EPHB2: variants seen among roughly 807,000 people sequenced by gnomAD.
The protein encoded by EPHB2 is EPH receptor B2.
A neutral mutation model predicts 96.4 loss-of-function variants in EPHB2; 18 were observed. The ratio of observed to expected loss-of-function variants is 0.19; its 90% CI spans 0.13 to 0.28. The LOEUF (loss-of-function observed/expected upper bound fraction) is 0.28. Ranked by LOEUF, EPHB2 falls within the 10% of genes least tolerant of loss-of-function variation. The pLI is 1.00. For synonymous variants in EPHB2, 506 were observed against 534.1 expected, an observed-to-expected ratio of 0.95 and a Z score of 0.72; for missense variants, 989 against 1,355.4, an observed-to-expected ratio of 0.73 and a Z score of 4.25.
At position 22,906,424 on chromosome 1, in the gene EPHB2, C is replaced by T. The variant is rs1472088528; in HGVS notation, c.1889-286C>T. The stretch of plus-strand genomic sequence containing the variant: ...GCTTTTCCTTCCTCCCCCCATGTAT[C>T]CCAGTGCCTTTTCCCATCTCCCAGG... On this transcript the variant is annotated intron_variant, in intron 10 of 15. Coordinates refer to ENST00000374630, the MANE Select transcript of EPHB2 (RefSeq NM_017449.5). The surrounding 1 kb of genome is among the most constrained non-coding windows in gnomAD (Gnocchi z 4.8). Among the ~76,000 whole-genome samples, 1 of 152,138 alleles carries T rather than the reference C, an allele frequency of 6.6e-6. No homozygotes were observed. The highest frequency in any genetic ancestry group is 2.4e-5 in the African/African-American group (1 of 41,420).
intron 1 of EPHB2, among the ~76,000 whole-genome samples, chr1:22,773,531 G>A (rs1644406775): frequency 6.6e-6 from 1 of 152,220 alleles, no homozygotes; most frequent in African/African-American, 2.4e-5. Context: ...GAAGACCCGT[G>A]GGTGTAGCTA....
chr1:22,788,409 A>G lies in EPHB2; in HGVS notation c.811+3333A>G, dbSNP rs563881949. 1.2e-4 allele frequency among the ~76,000 whole-genome samples: 19 copies of G among 152,342 alleles called. No individual in the cohort carries two copies. In the South Asian group the frequency reaches 3.9e-3, roughly 32 times the overall value. ...CAGTCAGGGTGTGATTAATGAGCTC[A>G]GGGAGCCCAGAAGGACACCAGCTGT... is the stretch of plus-strand genomic sequence containing the variant. On this transcript the variant is annotated intron_variant, in intron 3 of 15. Coordinates refer to ENST00000374630, the MANE Select transcript of EPHB2 (RefSeq NM_017449.5).
At chr1:22,837,682 A>G (rs543775687) in intron 3 of EPHB2, among the ~76,000 whole-genome samples, 59 of 152,300 alleles carry the variant, frequency 3.9e-4, no homozygotes, top group African/African-American at 1.3e-3. Flanking sequence ...GTCCCAGACC[A>G]GTCCTTCCCA....
In EPHB2 at chr1:22,913,440, C is replaced by A; in HGVS notation, c.2853-22C>A. On this transcript the variant is annotated intron_variant, in intron 15 of 15. Coordinates refer to ENST00000374630, the MANE Select transcript of EPHB2 (RefSeq NM_017449.5). This position sits in a 1 kb window ranked among gnomAD's most constrained non-coding sequence, Gnocchi z 4.1. ...CCCCTTCACCCGCATATTTCCCTAA[C>A]ACACGTGCTTCTCTCCCAAAGGGAC... 1 of 1,613,854 alleles carries A rather than the reference C, an allele frequency of 6.2e-7. No homozygotes were observed. Among genetic ancestry groups the A allele is most frequent in the Non-Finnish European group, 8.5e-7 (1 of 1,179,938 alleles).
chr1:22,800,854 A>G (rs1293702989), intron 3 of EPHB2, among the ~76,000 whole-genome samples: 1 of 152,134 alleles, frequency 6.6e-6, no homozygotes, highest in South Asian at 2.1e-4. Context: ...TCTGTCTCTT[A>G]GAAATTCCCT....
chr1:22,785,096 A>G lies in EPHB2; in HGVS notation c.811+20A>G. 6.2e-7 allele frequency: 1 copy of G among 1,613,226 alleles called. No homozygotes were observed. Reference sequence around the variant, plus strand: ...GCCGAGGTAAGGGCCAGGGTGGGGCACGTGCCCCTGCAAATGCATAGAACT... The same window carrying G: ...GCCGAGGTAAGGGCCAGGGTGGGGCGCGTGCCCCTGCAAATGCATAGAACT... On this transcript the variant is annotated intron_variant, in intron 3 of 15. Transcript: ENST00000374630.
At chr1:22,904,078 A>G (rs1179130168) in intron 9 of EPHB2, among the ~76,000 whole-genome samples, 1 of 152,248 alleles carries the variant, frequency 6.6e-6, no homozygotes, top group Non-Finnish European at 1.5e-5. Context: ...ATTTGAGGTC[A>G]GGAGTTAGAG....
chr1:22,757,950 G>A (rs1398883805), intron 1 of EPHB2, among the ~76,000 whole-genome samples: 1 of 111,876 alleles, frequency 8.9e-6, no homozygotes, highest in Non-Finnish European at 1.7e-5. Context: ...ACGGAGTCTC[G>A]CTCTGTTGCC....
chr1:22,742,559 G>A (rs1365242374), intron 1 of EPHB2, among the ~76,000 whole-genome samples: 2 of 152,042 alleles, frequency 1.3e-5, no homozygotes, highest in Non-Finnish European at 2.9e-5. Flanking sequence ...ATGGCTATTC[G>A]CAGAAGCAAT....
rs147467126 is a variant in EPHB2, at chr1:22,804,163, C to T, written c.811+19087C>T. Among the ~76,000 whole-genome samples the T allele has an allele frequency of 5.5e-3, 835 of 152,284 alleles. 9 individuals are homozygous for T. The highest frequency in any genetic ancestry group is 0.024 in the Middle Eastern group (7 of 294). The stretch of plus-strand genomic sequence containing the variant: ...TTTTACACTCAGGACCGCATTAGAC[C>T]TTTCCCACCATCCCAGGCTGCCGCG... On this transcript the variant is annotated intron_variant, in intron 3 of 15. Coordinates refer to ENST00000374630, the MANE Select transcript of EPHB2 (RefSeq NM_017449.5).
chr1:22,912,064 A>C (rs888858265), intron 14 of EPHB2, among the ~76,000 whole-genome samples: 1 of 152,174 alleles, frequency 6.6e-6, no homozygotes, highest in African/African-American at 2.4e-5. Flanking sequence ...GAAACTGTGA[A>C]TAACCAGAAT....
chr1:22,763,011 G>A (rs1463833725), intron 1 of EPHB2, among the ~76,000 whole-genome samples: 3 of 152,106 alleles, frequency 2.0e-5, no homozygotes, highest in South Asian at 2.1e-4. Flanking sequence ...AAGGGGGCAC[G>A]ATTCCTACCT....
chr1:22,903,510 T>C (rs919874570), intron 9 of EPHB2, among the ~76,000 whole-genome samples: 7 of 152,228 alleles, frequency 4.6e-5, no homozygotes, highest in African/African-American at 1.7e-4. Flanking sequence ...TTAGGAGTAC[T>C]GGCCCCAGGC....
rs1177424627 is a variant in EPHB2, at chr1:22,915,439, GAA to G, written c.*1871_*1872del. On this transcript the variant is annotated 3_prime_UTR_variant, in exon 16 of 16. Transcript: ENST00000374630. ...CAGCCCTTCCTCCCTCAGGCTTCCA[GAA>G]AGCCCAGGGCAGAGAAAACACATGG... is the stretch of plus-strand genomic sequence containing the variant. 2.0e-5 allele frequency: 3 copies of G among 152,214 alleles called. No homozygotes were observed. Among genetic ancestry groups the G allele is most frequent in the Middle Eastern group, 3.2e-3 (1 of 316 alleles). The allele number at this position is 152,214 out of a possible 1,614,324, so 9.4% of individuals were successfully genotyped here. A position where few individuals can be genotyped will look rare whatever the true frequency, so the allele number is the denominator to read the frequency against.
intron 3 of EPHB2, among the ~76,000 whole-genome samples, chr1:22,797,242 G>T (rs1644779222): frequency 6.6e-6 from 1 of 152,082 alleles, no homozygotes; most frequent in South Asian, 2.1e-4. Context: ...TCAGACATTC[G>T]TCCCCTTCAT....
At chr1:22,793,828 C>A (rs1189512485) in intron 3 of EPHB2, among the ~76,000 whole-genome samples, 1 of 152,204 alleles carries the variant, frequency 6.6e-6, no homozygotes, top group African/African-American at 2.4e-5. Flanking sequence ...AGAGGGTCAT[C>A]AAGCTGCCCA....
At chr1:22,758,842 G>T (rs1411158513) in intron 1 of EPHB2, among the ~76,000 whole-genome samples, 2 of 151,088 alleles carry the variant, frequency 1.3e-5, no homozygotes, top group African/African-American at 4.9e-5. Flanking sequence ...TACCTATTGG[G>T]GGCCCAGCCA....
At chr1:22,814,041 G>A (rs1009735521) in intron 3 of EPHB2, among the ~76,000 whole-genome samples, 5 of 151,974 alleles carry the variant, frequency 3.3e-5, no homozygotes, top group South Asian at 2.1e-4. Context: ...ACAGGGTGGC[G>A]GGCACCTGTA....
Position 22,828,539 on chromosome 1 carries a change from T to C in EPHB2, c.812-34498T>C, listed in dbSNP as rs149444538. Among the ~76,000 whole-genome samples, 231 of 152,136 alleles carry C rather than the reference T, an allele frequency of 1.5e-3. 1 individual carries two copies. Among genetic ancestry groups the C allele is most frequent in the African/African-American group, 5.2e-3 (217 of 41,494 alleles). On this transcript the variant is annotated intron_variant, in intron 3 of 15. Transcript: ENST00000374630. ...GCTGGAGACCTTTCGGAGAGAACTG[T>C]GAACACTGATAGAACGGTCAAGCAG...
Sources: gnomAD v4.1 joint callset for allele counts (sites outside exome capture counted in the v4.1 genomes callset) on GRCh38, gnomAD v4.1.1 for gene constraint, Gnocchi (gnomAD v3.1) non-coding constraint, MANE v1.5 for transcripts, NCBI Gene and HGNC (gene_info 2026-07-23, HGNC 2026-07-21) for gene names.